The following DTHD1 variants were observed in gnomAD, a reference collection of about 807,000 sequenced individuals.
DTHD1 encodes the protein death domain containing 1.
DTHD1 carries 59 observed loss-of-function variants against 74.8 expected under a neutral mutation model. That is an observed-to-expected ratio of 0.79 (90% confidence interval 0.64 to 0.98). DTHD1 has a LOEUF of 0.98. DTHD1 is among the 50% of genes least tolerant of loss of function. The pLI is 0.00. For missense variants in DTHD1, 1,051 were observed against 1,065.4 expected, an observed-to-expected ratio of 0.99 and a Z score of 0.19; for synonymous variants, 365 against 371.1, an observed-to-expected ratio of 0.98 and a Z score of 0.19.
chr4:36,294,806 T>C lies in DTHD1; in HGVS notation c.1410T>C (p.Val470=). 1.9e-6 allele frequency: 3 copies of C among 1,544,154 alleles called. No individual in the cohort carries two copies. Among genetic ancestry groups the C allele is most frequent in the East Asian group, 2.4e-5 (1 of 40,838 alleles). ...TATTTTTTGTTTAGATCCAACCAGT[T>C]GACCCAGCTCTGGTGGCACATTTAA... The part of the protein sequence containing the change: ...PVLVQLKIQP[V]DPALVAHLKA... Residue 470 remains valine, a synonymous_variant, in exon 5 of 10, where the codon GTT becomes GTC. Coordinates refer to ENST00000639862, the MANE Select transcript of DTHD1 (RefSeq NM_001170700.3).
chr4:36,323,178 ATTTTTTT>A (rs980110892), intron 8 of DTHD1, among the ~76,000 whole-genome samples: 1 of 152,126 alleles, frequency 6.6e-6, no homozygotes, highest in Non-Finnish European at 1.5e-5. Context: ...CTGGATTATT[ATTTTTTT>A]AAACTGAACT....
At chr4:36,294,720 A>C (rs746654237) in intron 4 of DTHD1, 75 bp from the exon 5 acceptor site, 119 of 1,389,832 alleles carry the variant, frequency 8.6e-5, no homozygotes, top group Non-Finnish European at 1.1e-4. Context: ...AATTTTCAAA[A>C]AACTGGATTA....
At chr4:36,343,438 G>A in intron 9 of DTHD1, 64 bp from the exon 10 acceptor site, 1 of 1,451,532 alleles carries the variant, frequency 6.9e-7, no homozygotes, top group Non-Finnish European at 9.3e-7. Context: ...AGGTGTGGAG[G>A]GTTAGACCCA....
In DTHD1 at chr4:36,345,047, T is replaced by C. The variant is rs901653464; in HGVS notation, c.*1223T>C. ...AGAGGGAAAATTCCATATTTTGTTA[T>C]TAGCGAAATGAGGCAGTGCAGAGAA... On this transcript the variant is annotated 3_prime_UTR_variant, in exon 10 of 10. Coordinates refer to ENST00000639862, the MANE Select transcript of DTHD1 (RefSeq NM_001170700.3). 6.6e-6 allele frequency: 1 copy of C among 152,206 alleles called. No individual in the cohort carries two copies. The highest frequency in any genetic ancestry group is 1.5e-5 in the Non-Finnish European group (1 of 68,038). The allele number at this position is 152,206 out of a possible 1,614,324, so 9.4% of individuals were successfully genotyped here. A position where few individuals can be genotyped will look rare whatever the true frequency, so the allele number is the denominator to read the frequency against.
At chr4:36,303,586 A>AT (rs2109486982) in intron 5 of DTHD1, among the ~76,000 whole-genome samples, 1 of 126,134 alleles carries the variant, frequency 7.9e-6, no homozygotes, top group South Asian at 2.4e-4. Context: ...TTACATCTTT[A>AT]TAAGTCTAAG....
chr4:36,325,419 G>A (rs1758285516), intron 8 of DTHD1, among the ~76,000 whole-genome samples: 1 of 152,176 alleles, frequency 6.6e-6, no homozygotes, highest in African/African-American at 2.4e-5. Context: ...ATTTTAACTA[G>A]GAGAGTGATA....
chr4:36,326,026 T>A (rs979388545), intron 8 of DTHD1, among the ~76,000 whole-genome samples: 1 of 152,138 alleles, frequency 6.6e-6, no homozygotes, highest in Non-Finnish European at 1.5e-5. Context: ...TAGGGCCCAT[T>A]GCAAACTCCC....
At chr4:36,328,495 C>T (rs1185183978) in intron 8 of DTHD1, among the ~76,000 whole-genome samples, 1 of 147,208 alleles carries the variant, frequency 6.8e-6, no homozygotes, top group Admixed American at 6.8e-5. Flanking sequence ...CGTGTGCATG[C>T]CTGTGGGCAT....
chr4:36,335,544 C>A (rs527475542), intron 8 of DTHD1, among the ~76,000 whole-genome samples: 2 of 152,050 alleles, frequency 1.3e-5, no homozygotes, highest in African/African-American at 2.4e-5. Context: ...TATTTTTTAC[C>A]ACTTTTTGTG....
chr4:36,322,730 A>G (rs115814386), intron 8 of DTHD1, among the ~76,000 whole-genome samples: 1,706 of 152,334 alleles, frequency 0.011, 11 homozygotes, highest in Middle Eastern at 0.031. Context: ...ATATATTTGA[A>G]AATATGTGGC....
Position 36,293,611 on chromosome 4 carries a change from A to G in DTHD1, c.1304A>G (p.Lys435Arg), listed in dbSNP as rs1273907656. The change falls in exon 4 of 10, where the codon AAG (lysine) becomes AGG (arginine). Residue 435 changes from lysine (K) to arginine (R), a missense_variant. Lys to Arg is a conservative substitution (Grantham distance 26). Coordinates refer to ENST00000639862, the MANE Select transcript of DTHD1 (RefSeq NM_001170700.3). ...AAGAAAGAGTCGTTCACAGTAACAA[A>G]GAAAGGCCTCGCTCTTAAGTCAAGC... ...CLKKESFTVT[K>R]KGLALKSSMD... The G allele has an allele frequency of 1.3e-6, 2 of 1,549,628 alleles. No individual in the cohort carries two copies. Among genetic ancestry groups the G allele is most frequent in the African/African-American group, 2.7e-5 (2 of 73,028 alleles).
chr4:36,293,818 T>A lies in DTHD1; in HGVS notation c.1398+113T>A, dbSNP rs187032599. 364 of 931,480 alleles carry A rather than the reference T, an allele frequency of 3.9e-4. No individual in the cohort carries two copies. In the African/African-American group the frequency reaches 5.5e-3, roughly 14 times the overall value. 57.7% of individuals were successfully genotyped at this position (931,480 alleles called of 1,614,324 possible). ...TTTAATATAACAAAAAATGGATTAT[T>A]TTCTTGTAGTTGTAACGGCCTAATA... On this transcript the variant is annotated intron_variant, in intron 4 of 9. Coordinates refer to ENST00000639862, the MANE Select transcript of DTHD1 (RefSeq NM_001170700.3).
intron 2 of DTHD1, among the ~76,000 whole-genome samples, chr4:36,286,820 T>C (rs1755742335): frequency 6.6e-6 from 1 of 152,228 alleles, no homozygotes; most frequent in South Asian, 2.1e-4. Flanking sequence ...AGTATTTGTG[T>C]ATTTAAACAT....
At chr4:36,308,129 T>G in intron 6 of DTHD1, 75 bp from the exon 7 acceptor site, 1 of 1,343,954 alleles carries the variant, frequency 7.4e-7, no homozygotes, top group East Asian at 2.5e-5. Flanking sequence ...ACTCTTTTCT[T>G]GGGTGTTATT....
Position 36,347,099 on chromosome 4 carries a change from G to A in DTHD1, c.*3275G>A, listed in dbSNP as rs1486495670. 6.6e-6 allele frequency among the ~76,000 whole-genome samples: 1 copy of A among 151,902 alleles called. No individual in the cohort carries two copies. The highest frequency in any genetic ancestry group is 6.6e-5 in the Admixed American group (1 of 15,236). On this transcript the variant is annotated 3_prime_UTR_variant, in exon 10 of 10. Coordinates refer to ENST00000639862, the MANE Select transcript of DTHD1 (RefSeq NM_001170700.3). ...TACATGTATTTTATTTCCCAGAATG[G>A]GAGTCATATATTATATATACAGTTT...
At chr4:36,292,797 C>T (rs1447879655) in intron 3 of DTHD1, among the ~76,000 whole-genome samples, 1 of 152,214 alleles carries the variant, frequency 6.6e-6, no homozygotes, top group Non-Finnish European at 1.5e-5. Context: ...TATGAATAGA[C>T]CAAATTACTT....
chr4:36,326,215 G>A (rs1409929328), intron 8 of DTHD1, among the ~76,000 whole-genome samples: 1 of 151,246 alleles, frequency 6.6e-6, no homozygotes, highest in African/African-American at 2.4e-5. Flanking sequence ...AGTTTTCCAG[G>A]AAGTATTAGA....
At chr4:36,312,704 T>C (rs1338711373) in intron 7 of DTHD1, among the ~76,000 whole-genome samples, 1 of 151,770 alleles carries the variant, frequency 6.6e-6, no homozygotes, top group Non-Finnish European at 1.5e-5. Flanking sequence ...TTGCCTTGTG[T>C]GTATGAGGAA....
rs534785133 is a variant in DTHD1 at position 36,281,909 on chromosome 4, G to A, written c.151G>A (p.Gly51Ser). 1 of 1,302,656 alleles carries A rather than the reference G, an allele frequency of 7.7e-7. No individual in the cohort carries two copies. The highest frequency in any genetic ancestry group is 2.7e-5 in the South Asian group (1 of 37,724). The allele number at this position is 1,302,656 out of a possible 1,614,324, so 80.7% of individuals were successfully genotyped here. ...ATWMATVVFL[G>S]QELSSALHQL... is the part of the protein sequence containing the mutation. ...TTGGATGGCCACTGTGGTCTTTCTG[G>A]GTCAGGAACTCAGCAGTGCCCTTCA... The change falls in exon 1 of 10, where the codon GGT (glycine) becomes AGT (serine). Residue 51 changes from glycine to serine, a missense_variant. Coordinates refer to ENST00000639862, the MANE Select transcript of DTHD1 (RefSeq NM_001170700.3).
Sources: allele counts gnomAD v4.1 joint callset (sites outside exome capture counted in the v4.1 genomes callset), GRCh38; gene constraint gnomAD v4.1.1; transcripts MANE v1.5; gene names NCBI Gene and HGNC (gene_info 2026-07-23, HGNC 2026-07-21).